FGF9: variants seen among roughly 807,000 people sequenced by gnomAD.
FGF9 encodes fibroblast growth factor 9, also known as fibroblast growth factor 9 (glia-activating factor).
In FGF9, 3 loss-of-function variants were observed where a neutral mutation model predicts 19.9. The observed-to-expected ratio is 0.15, with a 90% CI of 0.07 to 0.39. The LOEUF is 0.39. FGF9 is among the 10% of genes least tolerant of loss of function. The pLI, the probability that FGF9 is intolerant of heterozygous loss-of-function variation, is 1.00. For missense variants in FGF9, 175 were observed against 256.8 expected, an observed-to-expected ratio of 0.68 and a Z score of 2.18; for synonymous variants, 107 against 106.9, an observed-to-expected ratio of 1.00 and a Z score of -0.01.
rs1294166612 is a variant in FGF9 at position 21,703,516 on chromosome 13, A to G, written c.*2081A>G. On this transcript the variant is annotated 3_prime_UTR_variant, in exon 3 of 3. Coordinates refer to ENST00000382353, the MANE Select transcript of FGF9 (RefSeq NM_002010.3). The stretch of plus-strand genomic sequence containing the variant: ...TCCTCTTCATTTATTTTCTTGTTTT[A>G]TTTTCCTTTCTAAACAGAAACTGCA... 1.3e-5 allele frequency: 2 copies of G among 152,114 alleles called. No homozygotes were observed. The highest frequency in any genetic ancestry group is 2.9e-5 in the Non-Finnish European group (2 of 68,012). The allele number at this position is 152,114 out of a possible 1,614,324, so 9.4% of individuals were successfully genotyped here.
intron 2 of FGF9, among the ~76,000 whole-genome samples, chr13:21,688,937 T>A (rs893654621): frequency 6.6e-6 from 1 of 152,198 alleles, no homozygotes; most frequent in Non-Finnish European, 1.5e-5. Context: ...ACTTAAAACA[T>A]CCCAAGCTAG....
In FGF9 at chr13:21,701,321, C is replaced by T. The variant is rs527354619; in HGVS notation, c.513C>T (p.Thr171=). The T allele has an allele frequency of 6.2e-6, 10 of 1,613,752 alleles. No individual in the cohort carries two copies. Among genetic ancestry groups the T allele is most frequent in the Non-Finnish European group, 7.6e-6 (9 of 1,179,932 alleles). The change falls in exon 3 of 3, where the codon ACC becomes ACT. Residue 171 remains threonine, a synonymous_variant. Coordinates refer to ENST00000382353, the MANE Select transcript of FGF9 (RefSeq NM_002010.3). Reference sequence around the variant, plus strand: ...ATGTTGCATTAAATAAAGATGGGACCCCGAGAGAAGGGACTAGGACTAAAC... The same window carrying T: ...ATGTTGCATTAAATAAAGATGGGACTCCGAGAGAAGGGACTAGGACTAAAC... ...RYYVALNKDG[T]PREGTRTKRH...
Position 21,703,346 on chromosome 13 carries a change from T to C in FGF9, c.*1911T>C, listed in dbSNP as rs775132658. On this transcript the variant is annotated 3_prime_UTR_variant, in exon 3 of 3. Transcript: ENST00000382353. ...ATTGTGACGATGTCTTGCCTTTCTG[T>C]GGTCCAAGTTGGAGTACATGGCAAT... is the stretch of plus-strand genomic sequence containing the variant. The C allele has an allele frequency of 6.6e-6, 1 of 152,228 alleles. No homozygotes were observed. The highest frequency in any genetic ancestry group is 1.5e-5 in the Non-Finnish European group (1 of 68,040). 9.4% of individuals were successfully genotyped at this position (152,228 alleles called of 1,614,324 possible). A position where few individuals can be genotyped will look rare whatever the true frequency, so the allele number is the denominator to read the frequency against.
intron 2 of FGF9, among the ~76,000 whole-genome samples, chr13:21,692,439 T>G (rs1024399434): frequency 1.3e-5 from 2 of 152,234 alleles, no homozygotes; most frequent in Admixed American, 6.5e-5. Flanking sequence ...TATACTTGCA[T>G]GCTGACCAGT....
intron 2 of FGF9, among the ~76,000 whole-genome samples, chr13:21,684,465 C>T (rs1323880675): frequency 6.6e-6 from 1 of 152,138 alleles, no homozygotes; most frequent in Non-Finnish European, 1.5e-5. Flanking sequence ...GATGTGGCCT[C>T]ACAGTATCTC....
intron 2 of FGF9, among the ~76,000 whole-genome samples, chr13:21,695,367 G>A (rs539708273): frequency 3.3e-5 from 5 of 152,192 alleles, no homozygotes; most frequent in African/African-American, 1.2e-4. Flanking sequence ...CACAATTCTG[G>A]TGGCAATTTT....
At chr13:21,698,598 C>T (rs1872469637) in intron 2 of FGF9, among the ~76,000 whole-genome samples, 1 of 152,164 alleles carries the variant, frequency 6.6e-6, no homozygotes, top group African/African-American at 2.4e-5. Context: ...GCTTTCCCAT[C>T]ACATAAACTC....
intron 1 of FGF9, among the ~76,000 whole-genome samples, chr13:21,674,392 G>A (rs1395425020): frequency 6.6e-6 from 1 of 151,824 alleles, no homozygotes; most frequent in East Asian, 2.0e-4. Flanking sequence ...GGCGGAGGGG[G>A]CGGCGTGCTA....
chr13:21,697,237 A>C (rs934293029), intron 2 of FGF9, among the ~76,000 whole-genome samples: 1 of 152,180 alleles, frequency 6.6e-6, no homozygotes, highest in African/African-American at 2.4e-5. Context: ...GGCTCACTGC[A>C]GCCTCGACTC....
intron 2 of FGF9, among the ~76,000 whole-genome samples, chr13:21,700,015 GGTGTGTGTGTGTGTGTGTGT>G (rs3076108): frequency 6.8e-6 from 1 of 146,710 alleles, no homozygotes; most frequent in Non-Finnish European, 1.5e-5. Context: ...TTTGGGATGT[GGTGTGTGTGTGTGTGTGTGT>G]GTGTGTGTGT....
In FGF9 at chr13:21,701,703, G is replaced by GTGTGTT; in HGVS notation, c.*273_*274insTTGTGT. 4 of 443,746 alleles carry GTGTGTT rather than the reference G, an allele frequency of 9.0e-6. No individual in the cohort carries two copies. Among genetic ancestry groups the GTGTGTT allele is most frequent in the Non-Finnish European group, 1.2e-5 (3 of 244,270 alleles). The allele number at this position is 443,746 out of a possible 1,614,324, so 27.5% of individuals were successfully genotyped here. On this transcript the variant is annotated 3_prime_UTR_variant, in exon 3 of 3. Coordinates refer to ENST00000382353, the MANE Select transcript of FGF9 (RefSeq NM_002010.3). The stretch of plus-strand genomic sequence containing the variant: ...GAGAGAGAGACTGAGCGCTAGGAGT[G>GTGTGTT]TGTGTATGTGTGTGTGTGTGTGTGT...
chr13:21,687,265 TCCCTC>T (rs1416997914), intron 2 of FGF9, among the ~76,000 whole-genome samples: 1 of 152,178 alleles, frequency 6.6e-6, no homozygotes, highest in Admixed American at 6.5e-5. Flanking sequence ...GCCCTGTAGG[TCCCTC>T]TGTCCCAGAA....
chr13:21,683,398 G>A (rs147190762), intron 2 of FGF9, among the ~76,000 whole-genome samples: 17 of 152,336 alleles, frequency 1.1e-4, no homozygotes, highest in African/African-American at 3.8e-4. Flanking sequence ...TGTGGGACAC[G>A]GCAGCCAGGT....
chr13:21,685,299 C>A (rs1565950663), intron 2 of FGF9, among the ~76,000 whole-genome samples: 1 of 152,008 alleles, frequency 6.6e-6, no homozygotes, highest in East Asian at 1.9e-4. Context: ...ATGTGAAATT[C>A]ATTTAAAGCG....
chr13:21,672,337 TTGCCAG>T lies in FGF9; in HGVS notation c.277+149_277+154del. ...ATCTCTGTCTCTCTCTCTCTCTGTCTTGCCAGCTCCGAAAAAAAAATGCCTCCGGAA... is the reference window on the plus strand; with the variant it reads ...ATCTCTGTCTCTCTCTCTCTCTGTCTCTCCGAAAAAAAAATGCCTCCGGAA... On this transcript the variant is annotated intron_variant, in intron 1 of 2. Coordinates refer to ENST00000382353, the MANE Select transcript of FGF9 (RefSeq NM_002010.3). The surrounding 1 kb of genome is among the most constrained non-coding windows in gnomAD (Gnocchi z 4.2). 1.1e-6 allele frequency: 1 copy of T among 911,988 alleles called. No homozygotes were observed. Among genetic ancestry groups the T allele is most frequent in the South Asian group, 1.4e-5 (1 of 69,448 alleles). 56.5% of individuals were successfully genotyped at this position (911,988 alleles called of 1,614,324 possible).
rs1872589696 is a variant in FGF9 at position 21,703,384 on chromosome 13, A to C, written c.*1949A>C. ...AGTACATGGCAATGCCCTCCTGCTGATGTGCATTAAGGAAAATCTAAGTCT... is the reference window on the plus strand; with the variant it reads ...AGTACATGGCAATGCCCTCCTGCTGCTGTGCATTAAGGAAAATCTAAGTCT... On this transcript the variant is annotated 3_prime_UTR_variant, in exon 3 of 3. Coordinates refer to ENST00000382353, the MANE Select transcript of FGF9 (RefSeq NM_002010.3). 1 of 152,164 alleles carries C rather than the reference A, an allele frequency of 6.6e-6. No individual in the cohort carries two copies. The highest frequency in any genetic ancestry group is 6.5e-5 in the Admixed American group (1 of 15,272). 9.4% of individuals were successfully genotyped at this position (152,164 alleles called of 1,614,324 possible).
intron 1 of FGF9, among the ~76,000 whole-genome samples, chr13:21,674,553 G>A (rs1168804486): frequency 6.6e-6 from 1 of 151,942 alleles, no homozygotes; most frequent in Non-Finnish European, 1.5e-5. Flanking sequence ...GGGGCGCCGC[G>A]GCGGGCCCGA....
Position 21,671,783 on chromosome 13 carries a change from A to G in FGF9, c.-130A>G. 9.2e-7 allele frequency: 1 copy of G among 1,088,312 alleles called. No individual in the cohort carries two copies. The highest frequency in any genetic ancestry group is 1.7e-5 in the African/African-American group (1 of 59,340). The allele number at this position is 1,088,312 out of a possible 1,614,324, so 67.4% of individuals were successfully genotyped here. ...TTATGCATTTAATGGATTGAAGAAAAGAACCTTTTTTTTCTCTCTCTCTCT... is the reference window on the plus strand; with the variant it reads ...TTATGCATTTAATGGATTGAAGAAAGGAACCTTTTTTTTCTCTCTCTCTCT... On this transcript the variant is annotated 5_prime_UTR_variant, in exon 1 of 3. Coordinates refer to ENST00000382353, the MANE Select transcript of FGF9 (RefSeq NM_002010.3).
rs76013586 is a variant in FGF9 at position 21,688,964 on chromosome 13, G to T, written c.381+7819G>T. Among the ~76,000 whole-genome samples, 1,514 of 152,276 alleles carry T rather than the reference G, an allele frequency of 9.9e-3. 25 individuals carry two copies. Among genetic ancestry groups the T allele is most frequent in the African/African-American group, 0.035 (1,437 of 41,556 alleles). Reference sequence around the variant, plus strand: ...CCAAGCTAGTATAGAACACAGGTCTGGAGATTTTCCAGGTTTGGGAAAGGA... The same window carrying T: ...CCAAGCTAGTATAGAACACAGGTCTTGAGATTTTCCAGGTTTGGGAAAGGA... On this transcript the variant is annotated intron_variant, in intron 2 of 2. Transcript: ENST00000382353.
Sources: allele counts gnomAD v4.1 joint callset (sites outside exome capture counted in the v4.1 genomes callset), GRCh38; gene constraint gnomAD v4.1.1; non-coding constraint Gnocchi (gnomAD v3.1); transcripts MANE v1.5; gene names NCBI Gene and HGNC (gene_info 2026-07-23, HGNC 2026-07-21).